Variants in DRC9 observed in about 807,000 individuals in gnomAD.
The protein encoded by DRC9 is dynein regulatory complex protein 9.
chr3:197,905,627 A>G, the DRC9 span, among the ~76,000 whole-genome samples: 1 of 152,148 alleles, frequency 6.6e-6, no homozygotes, highest in African/African-American at 2.4e-5. Flanking sequence ...AGGCGCCTGT[A>G]ATCCCAGCTA....
the DRC9 span, among the ~76,000 whole-genome samples, chr3:197,952,164 T>TTG: frequency 0.034 from 2,541 of 74,152 alleles, 76 homozygotes; most frequent in South Asian, 0.059. Flanking sequence ...AATTATGGGT[T>TTG]TTTTTTTTTT....
At chr3:197,920,269 C>T in the DRC9 span, among the ~76,000 whole-genome samples, 202 of 151,560 alleles carry the variant, frequency 1.3e-3, no homozygotes, top group African/African-American at 4.5e-3. Context: ...CTTAGAATAC[C>T]GGCTGATACT....
the DRC9 span, among the ~76,000 whole-genome samples, chr3:197,898,643 T>G: frequency 6.6e-6 from 1 of 152,108 alleles, no homozygotes. Context: ...CTCAGGAAAC[T>G]TACAATCATG....
the DRC9 span, among the ~76,000 whole-genome samples, chr3:197,934,130 A>G: frequency 7.5e-6 from 1 of 134,182 alleles, no homozygotes; most frequent in Non-Finnish European, 1.6e-5. Flanking sequence ...ATGCTAAACT[A>G]TTTTTGCATT....
chr3:197,936,790 A>T, the DRC9 span, among the ~76,000 whole-genome samples: 1 of 152,304 alleles, frequency 6.6e-6, no homozygotes, highest in South Asian at 2.1e-4. Context: ...TCCCCTACAA[A>T]TAATTGCGAC....
the DRC9 span, among the ~76,000 whole-genome samples, chr3:197,920,427 T>TAA: frequency 4.3e-5 from 5 of 116,418 alleles, no homozygotes; most frequent in African/African-American, 6.3e-5. Context: ...CCATCTCAAT[T>TAA]AAAAAAAAAA....
At chr3:197,926,271 C>T in the DRC9 span, among the ~76,000 whole-genome samples, 1 of 152,066 alleles carries the variant, frequency 6.6e-6, no homozygotes, top group South Asian at 2.1e-4. Context: ...ATCGAGTTCC[C>T]AAGCAATGCT....
chr3:197,950,064 T>A, the DRC9 span: 1 of 1,088,286 alleles, frequency 9.2e-7, no homozygotes, highest in Non-Finnish European at 1.2e-6. Context: ...TGCTATTGAA[T>A]GTGGCTTATT....
the DRC9 span, chr3:197,891,436 G>A: frequency 1.8e-4 from 257 of 1,448,652 alleles, no homozygotes; most frequent in African/African-American, 3.1e-3. Flanking sequence ...TACTGATTAT[G>A]GTTCTTTACC....
chr3:197,932,896 G>C, the DRC9 span, among the ~76,000 whole-genome samples: 1 of 86,508 alleles, frequency 1.2e-5, no homozygotes, highest in Non-Finnish European at 2.1e-5. Context: ...TATAATATAT[G>C]TATTATATAT....
the DRC9 span, among the ~76,000 whole-genome samples, chr3:197,920,773 A>C: frequency 6.6e-6 from 1 of 152,134 alleles, no homozygotes; most frequent in African/African-American, 2.4e-5. Context: ...CAGGAGTTTC[A>C]TGGAAGTGCT....
the DRC9 span, among the ~76,000 whole-genome samples, chr3:197,947,460 C>T: frequency 6.6e-6 from 1 of 152,184 alleles, no homozygotes. Flanking sequence ...TACAACTGCA[C>T]TTTCCTTGCT....
chr3:197,934,585 G>A, the DRC9 span, among the ~76,000 whole-genome samples: 1 of 152,150 alleles, frequency 6.6e-6, no homozygotes, highest in African/African-American at 2.4e-5. Flanking sequence ...CTTGCCCGTG[G>A]TCACATACCT....
chr3:197,944,699 C>T, the DRC9 span, among the ~76,000 whole-genome samples: 15 of 152,084 alleles, frequency 9.9e-5, no homozygotes, highest in African/African-American at 1.7e-4. Flanking sequence ...CCGCCCACCT[C>T]GGCCTCCCAA....
the DRC9 span, among the ~76,000 whole-genome samples, chr3:197,910,054 T>C: frequency 6.6e-6 from 1 of 152,128 alleles, no homozygotes; most frequent in African/African-American, 2.4e-5. Context: ...AGTATGTATA[T>C]GAAAAGAAAT....
chr3:197,947,336 C>T, the DRC9 span, among the ~76,000 whole-genome samples: 1 of 152,084 alleles, frequency 6.6e-6, no homozygotes, highest in Admixed American at 6.5e-5. Flanking sequence ...TCATCATGTC[C>T]TTCCCTAGAA....
the DRC9 span, chr3:197,892,627 C>T: frequency 6.2e-7 from 1 of 1,614,110 alleles, no homozygotes; most frequent in Non-Finnish European, 8.5e-7. Context: ...TCCTTCCTTA[C>T]CATCTTTGCC....
chr3:197,932,081 C>T, the DRC9 span: 150 of 1,360,198 alleles, frequency 1.1e-4, no homozygotes, highest in Non-Finnish European at 1.3e-4. Context: ...GGAAAGCACA[C>T]GGTTGGTTTG....
chr3:197,911,559 T>C, the DRC9 span, among the ~76,000 whole-genome samples: 1 of 152,116 alleles, frequency 6.6e-6, no homozygotes, highest in Non-Finnish European at 1.5e-5. Flanking sequence ...GAAACTGTAA[T>C]AACATAAAAA....
Sources: gnomAD v4.1 joint callset for allele counts (sites outside exome capture counted in the v4.1 genomes callset) on GRCh38, gnomAD v4.1.1 for gene constraint, MANE v1.5 for transcripts, NCBI Gene and HGNC (gene_info 2026-07-23, HGNC 2026-07-21) for gene names.